The following TANC2 variants were observed in gnomAD, a reference collection of about 807,000 sequenced individuals.
The protein encoded by TANC2 is tetratricopeptide repeat, ankyrin repeat and coiled-coil containing 2, also known as protein TANC2.
Under a neutral mutation model 210.5 loss-of-function variants are expected in TANC2, and 26 were observed. That is an observed-to-expected ratio of 0.12 (90% CI 0.09 to 0.17). TANC2 has a LOEUF of 0.17. Ranked by LOEUF, TANC2 falls within the 10% of genes least tolerant of loss-of-function variation. The pLI is 1.00. For missense variants in TANC2, 2,129 were observed against 2,608.9 expected (o/e 0.82, Z 4.01); for synonymous variants, 931 against 967.1 (o/e 0.96, Z 0.69).
intron 4 of TANC2, among the ~76,000 whole-genome samples, chr17:63,127,231 AC>A (rs1207752180): frequency 1.3e-5 from 2 of 152,216 alleles, no homozygotes; most frequent in Non-Finnish European, 2.9e-5. Flanking sequence ...GCTTTAATGA[AC>A]CATTTTTGTA....
intron 8 of TANC2, among the ~76,000 whole-genome samples, chr17:63,252,525 C>G (rs550668362): frequency 2.0e-5 from 3 of 151,904 alleles, no homozygotes; most frequent in Non-Finnish European, 2.9e-5. Flanking sequence ...TGACCATCCC[C>G]ACTACCCCCA....
chr17:63,212,728 G>A (rs540687845), intron 7 of TANC2, among the ~76,000 whole-genome samples: 4 of 152,202 alleles, frequency 2.6e-5, no homozygotes, highest in South Asian at 2.1e-4. Context: ...CACCGTGCCC[G>A]ACCCTCTTTG....
chr17:63,125,004 CTT>C (rs1022059557), intron 4 of TANC2: 72 of 152,280 alleles, frequency 4.7e-4, no homozygotes, highest in African/African-American at 1.7e-3. Context: ...CTCTTTAAGA[CTT>C]TTAAAAATGA....
chr17:63,258,391 A>G (rs2043260593), intron 8 of TANC2, among the ~76,000 whole-genome samples: 1 of 151,962 alleles, frequency 6.6e-6, no homozygotes, highest in African/African-American at 2.4e-5. Flanking sequence ...TATTTCTCTT[A>G]GTTCTCTGTT....
intron 21 of TANC2, 110 bp downstream of exon 21, chr17:63,406,387 T>C (rs1392267803): frequency 4.0e-6 from 6 of 1,494,840 alleles, no homozygotes; most frequent in East Asian, 4.6e-5. Flanking sequence ...ATTAATCCAG[T>C]TGGTTGGAAA....
At chr17:63,368,535 G>T (rs905283753) in intron 14 of TANC2, among the ~76,000 whole-genome samples, 2 of 152,230 alleles carry the variant, frequency 1.3e-5, no homozygotes, top group African/African-American at 2.4e-5. Context: ...AAAAGAAGAT[G>T]ATGAGCCAAA....
chr17:63,013,616 G>C (rs1173564428), intron 2 of TANC2, among the ~76,000 whole-genome samples: 1 of 152,020 alleles, frequency 6.6e-6, no homozygotes, highest in African/African-American at 2.4e-5. Context: ...GCATAAATTA[G>C]CCAGACGTGT....
At chr17:63,065,738 A>G (rs2036171898) in intron 2 of TANC2, among the ~76,000 whole-genome samples, 1 of 152,206 alleles carries the variant, frequency 6.6e-6, no homozygotes, top group Admixed American at 6.5e-5. Context: ...CCATTTTTAA[A>G]TAAGATAATT....
intron 8 of TANC2, among the ~76,000 whole-genome samples, chr17:63,261,050 G>A (rs2043340382): frequency 6.6e-6 from 1 of 152,040 alleles, no homozygotes; most frequent in African/African-American, 2.4e-5. Context: ...TGGGCAATGT[G>A]GCAAGGCCCT....
chr17:63,016,654 T>C (rs1177754321), intron 2 of TANC2, among the ~76,000 whole-genome samples: 1 of 152,206 alleles, frequency 6.6e-6, no homozygotes, highest in African/African-American at 2.4e-5. Flanking sequence ...CCACAGTGGC[T>C]GCACACTTAA....
At chr17:63,323,111 C>T (rs1310209213) in intron 11 of TANC2, among the ~76,000 whole-genome samples, 1 of 152,216 alleles carries the variant, frequency 6.6e-6, no homozygotes, top group East Asian at 1.9e-4. Context: ...TGCAATCTTG[C>T]TGCTCACCTA....
chr17:63,213,973 G>T (rs772266337), intron 7 of TANC2, among the ~76,000 whole-genome samples: 2 of 152,146 alleles, frequency 1.3e-5, no homozygotes, highest in Non-Finnish European at 2.9e-5. Context: ...GGAAGCAAGC[G>T]TGAAGGAAAG....
chr17:63,119,113 G>C (rs2038365015), intron 4 of TANC2, among the ~76,000 whole-genome samples: 1 of 151,980 alleles, frequency 6.6e-6, no homozygotes, highest in East Asian at 1.9e-4. Context: ...CATTTTTATA[G>C]AGATGAAGTC....
chr17:63,192,765 TA>T (rs2041226771), intron 5 of TANC2, among the ~76,000 whole-genome samples: 2 of 152,242 alleles, frequency 1.3e-5, no homozygotes, highest in African/African-American at 4.8e-5. Flanking sequence ...CTAATATATG[TA>T]AAGTGTTTAC....
At chr17:63,167,293 G>T (rs2145535563) in intron 5 of TANC2, among the ~76,000 whole-genome samples, 1 of 152,184 alleles carries the variant, frequency 6.6e-6, no homozygotes, top group Admixed American at 6.5e-5. Flanking sequence ...AAAGGGCTTA[G>T]CACATAGTAA....
intron 9 of TANC2, among the ~76,000 whole-genome samples, chr17:63,283,874 C>CT (rs1248829487): frequency 6.6e-6 from 1 of 151,850 alleles, no homozygotes; most frequent in Non-Finnish European, 1.5e-5. Flanking sequence ...GTTCTAATGA[C>CT]TTTTTTTAAT....
rs143496231 is a variant in TANC2 at position 63,011,112 on chromosome 17, A to G, written c.67+1486A>G. On this transcript the variant is annotated intron_variant, in intron 2 of 27. Coordinates refer to ENST00000689528, the Ensembl canonical transcript of TANC2. ...GCTATTCAGGAGCCCCCAGGTACCTATCATTCGTCTCGTTAGCATATAGAA... is the reference window on the plus strand; with the variant it reads ...GCTATTCAGGAGCCCCCAGGTACCTGTCATTCGTCTCGTTAGCATATAGAA... Among the ~76,000 whole-genome samples the G allele has an allele frequency of 9.1e-4, 138 of 152,248 alleles. 2 individuals carry two copies. The highest frequency in any genetic ancestry group is 1.1e-3 in the Non-Finnish European group (75 of 68,010).
At chr17:63,352,615 T>A (rs986764234) in intron 13 of TANC2, among the ~76,000 whole-genome samples, 1 of 152,188 alleles carries the variant, frequency 6.6e-6, no homozygotes, top group Non-Finnish European at 1.5e-5. Flanking sequence ...TATTCTCACA[T>A]AATATCATGT....
exon 28 of TANC2, chr17:63,423,971 C>G (rs1423672141): frequency 6.6e-6 from 1 of 152,266 alleles, no homozygotes; most frequent in Non-Finnish European, 1.5e-5. Flanking sequence ...GCGGCAACCT[C>G]TAGCCAGGAG....
Sources: gnomAD v4.1 joint callset for allele counts (sites outside exome capture counted in the v4.1 genomes callset) on GRCh38, gnomAD v4.1.1 for gene constraint, MANE v1.5 for transcripts, NCBI Gene and HGNC (gene_info 2026-07-23, HGNC 2026-07-21) for gene names.